SLC25A48: variants seen among roughly 807,000 people sequenced by gnomAD.
The protein encoded by SLC25A48 is solute carrier family 25 member 48.
In SLC25A48, 29 loss-of-function variants were observed where a neutral mutation model predicts 32.2. The observed-to-expected ratio is 0.90, with a 90% CI of 0.67 to 1.23. SLC25A48 has a LOEUF of 1.23. SLC25A48 is among the 50% of genes most tolerant of loss of function. The pLI is 0.00. For missense variants in SLC25A48, 399 were observed against 422.7 expected (o/e 0.94, Z 0.49); for synonymous variants, 164 against 172.3 (o/e 0.95, Z 0.38).
At chr5:135,668,042 A>C (rs1753564680) in intron 3 of SLC25A48, among the ~76,000 whole-genome samples, 1 of 152,210 alleles carries the variant, frequency 6.6e-6, no homozygotes, top group African/African-American at 2.4e-5. Context: ...AAGTTGTAGC[A>C]GCCAGTGCAA....
At chr5:135,721,652 C>T (rs1380699284) in intron 3 of SLC25A48, among the ~76,000 whole-genome samples, 4 of 152,126 alleles carry the variant, frequency 2.6e-5, no homozygotes, top group African/African-American at 4.8e-5. Flanking sequence ...GAAATGGATC[C>T]CTGCTCTCCA....
At chr5:135,745,144 A>C (rs1434715354) in intron 3 of SLC25A48, among the ~76,000 whole-genome samples, 1 of 152,218 alleles carries the variant, frequency 6.6e-6, no homozygotes, top group Non-Finnish European at 1.5e-5. Flanking sequence ...TTCAGACCTG[A>C]GAGCCCCGAA....
intron 1 of SLC25A48, among the ~76,000 whole-genome samples, chr5:135,610,338 C>A (rs1752037432): frequency 6.6e-6 from 1 of 152,184 alleles, no homozygotes; most frequent in Admixed American, 6.5e-5. Context: ...CACATATGTG[C>A]TGACTTTTAA....
rs752850169 is a variant in SLC25A48, at chr5:135,880,021, G to A, written c.867G>A (p.Ala289=). The change falls in exon 7 of 8, where the codon GCG becomes GCA. Residue 289 remains alanine, a synonymous_variant. Coordinates refer to ENST00000681962, the MANE Select transcript of SLC25A48 (RefSeq NM_001349336.2). ...VNAVRGFPMS[A]AMFLGYELSL... ...CGGTGCGGGGCTTCCCCATGAGTGC[G>A]GCCATGTTCCTTGGGTACGAGCTGT... 11 of 1,536,218 alleles carry A rather than the reference G, an allele frequency of 7.2e-6. No homozygotes were observed. Among genetic ancestry groups the A allele is most frequent in the Admixed American group, 5.9e-5 (3 of 50,980 alleles).
chr5:135,839,764 G>A (rs1758836309), intron 1 of SLC25A48, among the ~76,000 whole-genome samples: 1 of 152,146 alleles, frequency 6.6e-6, no homozygotes, highest in Admixed American at 6.5e-5. Flanking sequence ...AAGACCCAGT[G>A]GGAGGTAATT....
intron 6 of SLC25A48, chr5:135,876,138 T>C (rs1258366462): frequency 9.2e-6 from 1 of 108,462 alleles, no homozygotes; most frequent in African/African-American, 4.0e-5. Flanking sequence ...CTTCTTTTTT[T>C]TTTTTTTTTT....
chr5:135,619,131 G>T (rs1387142005), intron 1 of SLC25A48, among the ~76,000 whole-genome samples: 1 of 151,972 alleles, frequency 6.6e-6, no homozygotes, highest in Non-Finnish European at 1.5e-5. Context: ...CCAAAACTAT[G>T]AATATTTGGT....
rs190455300 is a variant in SLC25A48, at chr5:135,867,800, A to G, written c.422-3661A>G. Among the ~76,000 whole-genome samples, 196 of 152,296 alleles carry G rather than the reference A, an allele frequency of 1.3e-3. 1 individual carries two copies. The highest frequency in any genetic ancestry group is 6.8e-3 in the Middle Eastern group (2 of 294). ...CTTGGAATTATAATAACTACCTTTG[A>G]TGACATTCTGCTCTGTGGACCCAAT... On this transcript the variant is annotated intron_variant, in intron 4 of 7. Coordinates refer to ENST00000681962, the MANE Select transcript of SLC25A48 (RefSeq NM_001349336.2).
chr5:135,749,610 C>T (rs1755723380), intron 3 of SLC25A48, among the ~76,000 whole-genome samples: 1 of 151,526 alleles, frequency 6.6e-6, no homozygotes. Context: ...GGTGGGGGTG[C>T]GATGGAGTTT....
chr5:135,685,217 T>G (rs1353279752), intron 3 of SLC25A48, among the ~76,000 whole-genome samples: 1 of 151,958 alleles, frequency 6.6e-6, no homozygotes, highest in African/African-American at 2.4e-5. Flanking sequence ...TTCTGCAAAC[T>G]TTTTGATTAT....
At chr5:135,788,728 G>A (rs1036336163) in intron 3 of SLC25A48, among the ~76,000 whole-genome samples, 3 of 151,416 alleles carry the variant, frequency 2.0e-5, no homozygotes, top group Non-Finnish European at 4.4e-5. Flanking sequence ...CATGTGGCGG[G>A]AGGTGTACAC....
chr5:135,842,222 A>G (rs1759061491), intron 1 of SLC25A48, among the ~76,000 whole-genome samples, 194 bp from the exon 2 acceptor site: 1 of 151,944 alleles, frequency 6.6e-6, no homozygotes, highest in East Asian at 1.9e-4. Context: ...TTATGGAGTG[A>G]TTGCTTGTTT....
At chr5:135,783,305 C>A (rs1756763799) in intron 3 of SLC25A48, among the ~76,000 whole-genome samples, 1 of 117,068 alleles carries the variant, frequency 8.5e-6, no homozygotes, top group African/African-American at 2.6e-5. Flanking sequence ...TCATACTACT[C>A]CCAATATTGC....
chr5:135,874,740 C>A, intron 6 of SLC25A48: 1 of 699,374 alleles, frequency 1.4e-6, no homozygotes, highest in Non-Finnish European at 2.6e-6. Context: ...TTAACACACA[C>A]CCCTTCCCAC....
chr5:135,590,300 C>A (rs1751488133), intron 1 of SLC25A48, among the ~76,000 whole-genome samples: 1 of 152,188 alleles, frequency 6.6e-6, no homozygotes, highest in South Asian at 2.1e-4. Context: ...GAGGAACACC[C>A]TCTGAGCAAA....
chr5:135,874,107 G>T lies in SLC25A48; in HGVS notation c.766G>T (p.Gly256Cys), dbSNP rs370361654. 6.6e-7 allele frequency: 1 copy of T among 1,518,850 alleles called. No individual in the cohort carries two copies. The highest frequency in any genetic ancestry group is 8.8e-7 in the Non-Finnish European group (1 of 1,140,696). 94.1% of individuals were successfully genotyped at this position (1,518,850 alleles called of 1,614,324 possible). A position where few individuals can be genotyped will look rare whatever the true frequency, so the allele number is the denominator to read the frequency against. Residue 256 changes from glycine to cysteine, a missense_variant, in exon 6 of 8, where the codon GGT (glycine) becomes TGT (cysteine). Transcript: ENST00000681962. ...ADGVYLNKYK[G>C]VLDCISQSYQ... ...TGGGGTTTATTTAAACAAATATAAA[G>T]GTGTCCTGGACTGTATCTCCCAGAG...
intron 3 of SLC25A48, among the ~76,000 whole-genome samples, chr5:135,669,082 A>G (rs1753590460): frequency 6.6e-6 from 1 of 152,202 alleles, no homozygotes; most frequent in Admixed American, 6.5e-5. Context: ...TATCATGCAC[A>G]CACACACCAC....
chr5:135,810,166 G>A (rs1757561108), intron 3 of SLC25A48, among the ~76,000 whole-genome samples: 1 of 152,218 alleles, frequency 6.6e-6, no homozygotes, highest in South Asian at 2.1e-4. Context: ...TGCCATGTTG[G>A]GGACAAAGAA....
At chr5:135,721,543 C>T (rs1256964813) in intron 3 of SLC25A48, among the ~76,000 whole-genome samples, 1 of 152,122 alleles carries the variant, frequency 6.6e-6, no homozygotes, top group Admixed American at 6.5e-5. Flanking sequence ...ACTTGTGTCT[C>T]ATTACACTTT....
Sources: gnomAD v4.1 joint callset for allele counts (sites outside exome capture counted in the v4.1 genomes callset) on GRCh38, gnomAD v4.1.1 for gene constraint, MANE v1.5 for transcripts, NCBI Gene and HGNC (gene_info 2026-07-23, HGNC 2026-07-21) for gene names.